Variants in SGCZ observed in about 807,000 individuals in gnomAD.
SGCZ encodes the protein zeta-sarcoglycan.
SGCZ carries 40 observed loss-of-function variants against 41.3 expected under a neutral mutation model. The observed-to-expected ratio is 0.97, with a 90% CI of 0.75 to 1.26. The LOEUF is 1.26. Among genes scored for constraint, SGCZ ranks in the 50% most tolerant of loss-of-function variants. The pLI, the probability that SGCZ is intolerant of heterozygous loss-of-function variation, is 0.00. For synonymous variants in SGCZ, 206 were observed against 137.5 expected, an observed-to-expected ratio of 1.50 and a Z score of -3.49; for missense variants, 552 against 369.8, an observed-to-expected ratio of 1.49 and a Z score of -4.04.
At chr8:14,343,343 G>T (rs1230434412) in intron 2 of SGCZ, among the ~76,000 whole-genome samples, 1 of 152,158 alleles carries the variant, frequency 6.6e-6, no homozygotes, top group African/African-American at 2.4e-5. Context: ...TCCACTGTCA[G>T]CTTGCACCAT....
chr8:14,882,352 T>A (rs573231623), intron 1 of SGCZ, among the ~76,000 whole-genome samples: 13 of 152,298 alleles, frequency 8.5e-5, no homozygotes, highest in African/African-American at 2.6e-4. Flanking sequence ...AATATTATGT[T>A]GTATATTTTG....
intron 1 of SGCZ, among the ~76,000 whole-genome samples, chr8:15,152,504 C>T (rs1284597783): frequency 6.6e-6 from 1 of 152,130 alleles, no homozygotes; most frequent in African/African-American, 2.4e-5. Context: ...TCCTTGCAAG[C>T]TCCAAACTAC....
intron 3 of SGCZ, among the ~76,000 whole-genome samples, chr8:14,319,198 T>C (rs983627320): frequency 3.3e-5 from 5 of 151,892 alleles, no homozygotes; most frequent in Admixed American, 6.6e-5. Flanking sequence ...GTAAAATTTC[T>C]CTGAAATGAA....
intron 2 of SGCZ, among the ~76,000 whole-genome samples, chr8:14,408,370 A>T (rs1799267542): frequency 6.6e-6 from 1 of 151,910 alleles, no homozygotes; most frequent in African/African-American, 2.4e-5. Flanking sequence ...CACCATCTGG[A>T]CCCCTGGGAG....
Position 14,861,268 on chromosome 8 carries a change from T to C in SGCZ, c.40-306342A>G, listed in dbSNP as rs56260930. On this transcript the variant is annotated intron_variant, in intron 1 of 7. Transcript: ENST00000382080. ...GTTAACCAATCACATGTGTTCAAAA[T>C]AGTGACAAAGAAGAACATGGAAAGA... Among the ~76,000 whole-genome samples, 724 of 152,186 alleles carry C rather than the reference T, an allele frequency of 4.8e-3. 8 individuals are homozygous for C. Among genetic ancestry groups the C allele is most frequent in the African/African-American group, 0.016 (663 of 41,532 alleles).
Position 14,218,267 on chromosome 8 carries a change from C to T in SGCZ, c.424+19325G>A, listed in dbSNP as rs540472338. On this transcript the variant is annotated intron_variant, in intron 4 of 7. Coordinates refer to ENST00000382080, the MANE Select transcript of SGCZ (RefSeq NM_139167.4). ...TTTCTAACACAAAGTCAATATAACA[C>T]TTTTGCATTTTCCTGTATTAGCAAC... Among the ~76,000 whole-genome samples, 27 of 152,258 alleles carry T rather than the reference C, an allele frequency of 1.8e-4. 2 individuals carry two copies. In the South Asian group the frequency reaches 5.6e-3, roughly 32 times the overall value.
intron 1 of SGCZ, among the ~76,000 whole-genome samples, chr8:14,857,033 A>G (rs1187438726): frequency 1.3e-5 from 2 of 152,156 alleles, no homozygotes; most frequent in East Asian, 1.9e-4. Flanking sequence ...ATCATGGGGC[A>G]GAATTCTCAT....
chr8:15,207,476 G>T (rs990262825), intron 1 of SGCZ, among the ~76,000 whole-genome samples: 2 of 152,164 alleles, frequency 1.3e-5, no homozygotes, highest in Non-Finnish European at 2.9e-5. Flanking sequence ...AGGATGAAAA[G>T]AGTGGGATCA....
At chr8:14,380,996 C>A (rs999728038) in intron 2 of SGCZ, among the ~76,000 whole-genome samples, 1 of 152,174 alleles carries the variant, frequency 6.6e-6, no homozygotes, top group African/African-American at 2.4e-5. Context: ...TTAGCATATT[C>A]TTTCCTGCAC....
intron 1 of SGCZ, among the ~76,000 whole-genome samples, chr8:14,702,950 TAGATAGATAGATAGATAGATAGAC>T (rs1166798912): frequency 1.1e-4 from 15 of 136,188 alleles, no homozygotes; most frequent in African/African-American, 2.2e-4. Flanking sequence ...GATAGATAGA[TAGATAGATAGATAGATAGATAGAC>T]AGACAGACAG....
At chr8:14,667,084 CT>C (rs1807934959) in intron 1 of SGCZ, among the ~76,000 whole-genome samples, 1 of 151,896 alleles carries the variant, frequency 6.6e-6, no homozygotes, top group South Asian at 2.1e-4. Context: ...ATAGTATTAT[CT>C]TCAATATTCA....
intron 2 of SGCZ, among the ~76,000 whole-genome samples, chr8:14,362,772 G>A (rs919797021): frequency 6.6e-6 from 1 of 152,130 alleles, no homozygotes; most frequent in East Asian, 1.9e-4. Flanking sequence ...CCCATCTTCT[G>A]TGTCTATCTC....
At chr8:14,451,437 A>G (rs1258643844) in intron 2 of SGCZ, among the ~76,000 whole-genome samples, 2 of 152,156 alleles carry the variant, frequency 1.3e-5, no homozygotes, top group Non-Finnish European at 2.9e-5. Flanking sequence ...GTCTCCTTAT[A>G]GTTTACATTT....
chr8:14,897,323 C>T (rs560002682), intron 1 of SGCZ, among the ~76,000 whole-genome samples: 3 of 152,152 alleles, frequency 2.0e-5, no homozygotes, highest in African/African-American at 7.2e-5. Context: ...TGATAAAAGG[C>T]AAAAAGTGAA....
At chr8:14,912,775 G>T (rs893345448) in intron 1 of SGCZ, among the ~76,000 whole-genome samples, 9 of 152,006 alleles carry the variant, frequency 5.9e-5, no homozygotes, top group African/African-American at 1.9e-4. Context: ...TTCCAGAATT[G>T]ATGAAAAATG....
At chr8:14,393,466 A>G (rs1804858919) in intron 2 of SGCZ, among the ~76,000 whole-genome samples, 1 of 152,194 alleles carries the variant, frequency 6.6e-6, no homozygotes, top group Non-Finnish European at 1.5e-5. Context: ...TTACATAATA[A>G]GATTACGGTG....
At chr8:14,605,484 A>C (rs1034102066) in intron 1 of SGCZ, among the ~76,000 whole-genome samples, 1 of 152,132 alleles carries the variant, frequency 6.6e-6, no homozygotes, top group Non-Finnish European at 1.5e-5. Flanking sequence ...CTGTTATGCT[A>C]TCAAATACTA....
intron 1 of SGCZ, among the ~76,000 whole-genome samples, chr8:15,101,858 G>A (rs922383970): frequency 1.3e-5 from 2 of 152,164 alleles, no homozygotes; most frequent in African/African-American, 4.8e-5. Flanking sequence ...CGGGGAGGCG[G>A]AGGTTGCAGT....
intron 1 of SGCZ, among the ~76,000 whole-genome samples, chr8:14,716,963 G>T (rs902835721): frequency 1.3e-5 from 2 of 151,952 alleles, no homozygotes; most frequent in African/African-American, 4.8e-5. Flanking sequence ...TACATGAGAT[G>T]ATTTCATCAC....
Sources: allele counts gnomAD v4.1 joint callset (sites outside exome capture counted in the v4.1 genomes callset), GRCh38; gene constraint gnomAD v4.1.1; transcripts MANE v1.5; gene names NCBI Gene and HGNC (gene_info 2026-07-23, HGNC 2026-07-21).